Variants in PTPRD observed in about 807,000 individuals in gnomAD.
PTPRD encodes receptor-type tyrosine-protein phosphatase delta.
A neutral mutation model predicts 214.5 loss-of-function variants in PTPRD; 34 were observed. The ratio of observed to expected loss-of-function variants is 0.16; its 90% confidence interval spans 0.12 to 0.21. The LOEUF (loss-of-function observed/expected upper bound fraction) is 0.21. PTPRD is among the 10% of genes least tolerant of loss of function. The pLI is 1.00. For missense variants in PTPRD, 2,545 were observed against 2,398.7 expected (o/e 1.06, Z -1.27); for synonymous variants, 1,128 against 845.7 (o/e 1.33, Z -5.79).
chr9:10,127,610 T>C (rs899037017), intron 3 of PTPRD, among the ~76,000 whole-genome samples: 3 of 152,186 alleles, frequency 2.0e-5, no homozygotes, highest in African/African-American at 7.2e-5. Flanking sequence ...TATTTATTAA[T>C]GATATTAATC....
chr9:9,132,817 G>C (rs2099844791), intron 10 of PTPRD, among the ~76,000 whole-genome samples: 1 of 152,106 alleles, frequency 6.6e-6, no homozygotes, highest in Admixed American at 6.5e-5. Context: ...AAAATACATA[G>C]GGCTAGATAC....
intron 12 of PTPRD, among the ~76,000 whole-genome samples, chr9:8,716,517 C>T (rs138838212): frequency 2.0e-5 from 3 of 152,130 alleles, no homozygotes; most frequent in African/African-American, 7.2e-5. Context: ...AAATTTTATT[C>T]ATTTCAGTTC....
chr9:8,678,412 A>G (rs941487208), intron 12 of PTPRD, among the ~76,000 whole-genome samples: 2 of 152,140 alleles, frequency 1.3e-5, no homozygotes, highest in Non-Finnish European at 2.9e-5. Flanking sequence ...AGTTTTAAAA[A>G]AACTTTGTCA....
chr9:10,033,328 G>C (rs1390513577), intron 4 of PTPRD, among the ~76,000 whole-genome samples: 3 of 151,760 alleles, frequency 2.0e-5, no homozygotes, highest in Non-Finnish European at 4.4e-5. Context: ...AATAAGTATA[G>C]TGTATTAGCT....
intron 33 of PTPRD, among the ~76,000 whole-genome samples, chr9:8,453,909 T>C (rs566889897): frequency 4.1e-4 from 62 of 152,318 alleles, no homozygotes; most frequent in African/African-American, 1.5e-3. Context: ...ATCTTCAAGA[T>C]GTTTTTTGTA....
intron 5 of PTPRD, among the ~76,000 whole-genome samples, chr9:9,917,207 G>A (rs1488331251): frequency 7.8e-6 from 1 of 128,138 alleles, no homozygotes; most frequent in Non-Finnish European, 1.7e-5. Context: ...TCAAGCAGAA[G>A]TAAACAAAAT....
At chr9:10,080,038 ATAACT>A (rs1484993226) in intron 3 of PTPRD, among the ~76,000 whole-genome samples, 2 of 152,022 alleles carry the variant, frequency 1.3e-5, no homozygotes, top group South Asian at 2.1e-4. Context: ...AGCAGAGAAC[ATAACT>A]TAAGAGACAA....
At chr9:9,280,543 A>C (rs1569567031) in intron 9 of PTPRD, among the ~76,000 whole-genome samples, 1 of 151,258 alleles carries the variant, frequency 6.6e-6, no homozygotes. Context: ...CACACACAAA[A>C]ATGGAATAGT....
At chr9:9,136,518 T>G (rs548739883) in intron 10 of PTPRD, among the ~76,000 whole-genome samples, 6 of 152,020 alleles carry the variant, frequency 3.9e-5, no homozygotes, top group Non-Finnish European at 7.4e-5. Flanking sequence ...CTACTTAGAT[T>G]CTAGAAAAAA....
Position 8,471,098 on chromosome 9 carries a change from G to A in PTPRD, c.3414-13C>T, listed in dbSNP as rs776569906. 3.1e-6 allele frequency: 5 copies of A among 1,607,808 alleles called. No individual in the cohort carries two copies. Among genetic ancestry groups the A allele is most frequent in the South Asian group, 2.2e-5 (2 of 90,968 alleles). ...TATGTAGTAACCTCTGCACAAGAAT[G>A]AATAGATAAAAGTTAGGTTAGTTGA... On this transcript the variant is annotated splice_polypyrimidine_tract_variant and intron_variant, in intron 30 of 45. Coordinates refer to ENST00000381196, the MANE Select transcript of PTPRD (RefSeq NM_002839.4).
intron 11 of PTPRD, among the ~76,000 whole-genome samples, chr9:8,931,971 T>C (rs2098955936): frequency 6.6e-6 from 1 of 152,246 alleles, no homozygotes; most frequent in Admixed American, 6.5e-5. Context: ...TAGTATTCTC[T>C]GATGGTAGTT....
intron 28 of PTPRD, 131 bp downstream of exon 28, chr9:8,485,631 T>C: frequency 2.4e-6 from 2 of 844,466 alleles, no homozygotes; most frequent in South Asian, 1.8e-5. Flanking sequence ...AAGTTTTACA[T>C]ACTTTACCTT....
intron 11 of PTPRD, among the ~76,000 whole-genome samples, chr9:8,856,543 A>ATG (rs1471076114): frequency 6.6e-6 from 1 of 152,028 alleles, no homozygotes; most frequent in Non-Finnish European, 1.5e-5. Flanking sequence ...ACATGTAAAT[A>ATG]TATATATATA....
intron 14 of PTPRD, among the ~76,000 whole-genome samples, chr9:8,587,449 T>C (rs1287819496): frequency 1.3e-5 from 2 of 152,228 alleles, no homozygotes; most frequent in East Asian, 1.9e-4. Flanking sequence ...AAAGAATAAA[T>C]ACATATTGGC....
chr9:9,932,986 A>G (rs1170081951), intron 5 of PTPRD, among the ~76,000 whole-genome samples: 1 of 150,544 alleles, frequency 6.6e-6, no homozygotes, highest in African/African-American at 2.4e-5. Flanking sequence ...TAAGCTTCAT[A>G]AGTGAAGGAG....
intron 5 of PTPRD, among the ~76,000 whole-genome samples, chr9:9,809,457 C>T (rs1031168690): frequency 1.1e-4 from 17 of 151,818 alleles, no homozygotes; most frequent in Non-Finnish European, 2.4e-4. Context: ...TTAGTAGAGA[C>T]GGGGTTTCAC....
chr9:9,387,555 C>T (rs1022748723), intron 9 of PTPRD, among the ~76,000 whole-genome samples: 1 of 152,088 alleles, frequency 6.6e-6, no homozygotes, highest in Admixed American at 6.6e-5. Context: ...AAATTCCCTC[C>T]TCTGCTTTTA....
Position 8,572,720 on chromosome 9 carries a change from T to C in PTPRD, c.353-43941A>G, listed in dbSNP as rs1424556817. 2.0e-5 allele frequency among the ~76,000 whole-genome samples: 3 copies of C among 151,962 alleles called. No homozygotes were observed. In the East Asian group the frequency reaches 5.8e-4, roughly 29 times the overall value. On this transcript the variant is annotated intron_variant, in intron 14 of 45. Coordinates refer to ENST00000381196, the MANE Select transcript of PTPRD (RefSeq NM_002839.4). ...CAAAACCTAGCAGGAAGTCTAGTGT[T>C]ACTCCTTAACTTGAAAAAAATAAAA...
At chr9:9,430,265 A>C (rs75311242) in intron 8 of PTPRD, among the ~76,000 whole-genome samples, 14,678 of 152,110 alleles carry the variant, frequency 0.096, 957 homozygotes, top group Non-Finnish European at 0.14. Context: ...ATAACAGACA[A>C]ACAGAGAGCC....
Sources: gnomAD v4.1 joint callset for allele counts (sites outside exome capture counted in the v4.1 genomes callset) on GRCh38, gnomAD v4.1.1 for gene constraint, MANE v1.5 for transcripts, NCBI Gene and HGNC (gene_info 2026-07-23, HGNC 2026-07-21) for gene names.